Variants in DPP10 observed in about 807,000 individuals in gnomAD.
The protein encoded by DPP10 is inactive dipeptidyl peptidase 10.
A neutral mutation model predicts 120.9 loss-of-function variants in DPP10; 33 were observed. The observed-to-expected ratio is 0.27, with a 90% CI of 0.21 to 0.37. DPP10 has a LOEUF of 0.37. Among genes scored for constraint, DPP10 ranks in the 10% least tolerant of loss-of-function variants. The pLI, the probability that DPP10 is intolerant of heterozygous loss-of-function variation, is 1.00. For missense variants in DPP10, 816 were observed against 942.8 expected, an observed-to-expected ratio of 0.87 and a Z score of 1.76; for synonymous variants, 337 against 326.1, an observed-to-expected ratio of 1.03 and a Z score of -0.36.
chr2:115,267,059 A>G (rs974877026), intron 1 of DPP10, among the ~76,000 whole-genome samples: 16 of 152,300 alleles, frequency 1.1e-4, no homozygotes, highest in African/African-American at 3.4e-4. Context: ...GGACTTCACC[A>G]TCTAAAAACA....
chr2:115,781,278 G>A (rs1256999241), intron 16 of DPP10, among the ~76,000 whole-genome samples: 1 of 151,682 alleles, frequency 6.6e-6, no homozygotes, highest in African/African-American at 2.4e-5. Flanking sequence ...TTACATCAGC[G>A]AGGCCATGCC....
chr2:114,748,354 T>A (rs1021581487), intron 1 of DPP10, among the ~76,000 whole-genome samples: 2 of 134,316 alleles, frequency 1.5e-5, no homozygotes, highest in East Asian at 4.3e-4. Context: ...TTTTTTTATT[T>A]TTTTTTATTT....
At chr2:114,648,521 C>A (rs1238369059) in intron 1 of DPP10, among the ~76,000 whole-genome samples, 1 of 152,142 alleles carries the variant, frequency 6.6e-6, no homozygotes, top group African/African-American at 2.4e-5. Context: ...ATGTGGTTCC[C>A]TCCCTGTGGT....
At chr2:115,720,770 G>T (rs958965536) in intron 7 of DPP10, among the ~76,000 whole-genome samples, 1 of 152,046 alleles carries the variant, frequency 6.6e-6, no homozygotes, top group African/African-American at 2.4e-5. Flanking sequence ...TTTATTCTAA[G>T]ATGTGTTCTT....
intron 1 of DPP10, among the ~76,000 whole-genome samples, chr2:114,901,307 C>T (rs1236694832): frequency 1.3e-5 from 2 of 152,184 alleles, no homozygotes; most frequent in Non-Finnish European, 2.9e-5. Flanking sequence ...ATGCCATTCT[C>T]CTGTCTCAGC....
chr2:114,929,703 CA>C (rs1695922439), intron 1 of DPP10, among the ~76,000 whole-genome samples: 1 of 152,096 alleles, frequency 6.6e-6, no homozygotes, highest in African/African-American at 2.4e-5. Context: ...ACAATTTGTG[CA>C]GTTAACGCAA....
chr2:115,401,971 G>A (rs1350075145), intron 3 of DPP10, among the ~76,000 whole-genome samples: 1 of 152,094 alleles, frequency 6.6e-6, no homozygotes, highest in East Asian at 1.9e-4. Context: ...AAATGGCGGA[G>A]TAGGATTCTT....
intron 5 of DPP10, among the ~76,000 whole-genome samples, chr2:115,584,047 C>G (rs1163115465): frequency 6.6e-6 from 1 of 152,190 alleles, no homozygotes; most frequent in Non-Finnish European, 1.5e-5. Flanking sequence ...CTCTAGCAAA[C>G]AACGCCCGCC....
At chr2:115,477,139 C>A (rs990998454) in intron 3 of DPP10, among the ~76,000 whole-genome samples, 1 of 151,958 alleles carries the variant, frequency 6.6e-6, no homozygotes, top group Admixed American at 6.6e-5. Context: ...CACTTCTATT[C>A]AACATAGTAC....
chr2:115,594,334 A>T (rs907796399), intron 5 of DPP10, among the ~76,000 whole-genome samples: 1 of 152,230 alleles, frequency 6.6e-6, no homozygotes, highest in African/African-American at 2.4e-5. Flanking sequence ...AATCAGACAG[A>T]AAGAAATATG....
Position 115,161,879 on chromosome 2 carries a change from C to T in DPP10, c.61-147360C>T, listed in dbSNP as rs531091791. 4.4e-6 allele frequency: 6 copies of T among 1,362,492 alleles called. No individual in the cohort carries two copies. In the South Asian group the frequency reaches 4.7e-5, roughly 11 times the overall value. 84.4% of individuals were successfully genotyped at this position (1,362,492 alleles called of 1,614,324 possible). A position where few individuals can be genotyped will look rare whatever the true frequency, so the allele number is the denominator to read the frequency against. ...TTCCGGGAGCGACGGGCGCCCGTGA[C>T]CTGCGAACGCTGCCAAGTGACGGTC... On this transcript the variant is annotated intron_variant, in intron 1 of 25. Coordinates refer to ENST00000410059, the MANE Select transcript of DPP10 (RefSeq NM_020868.6).
chr2:114,504,208 C>A (rs941313015), intron 1 of DPP10, among the ~76,000 whole-genome samples: 2 of 152,058 alleles, frequency 1.3e-5, no homozygotes, highest in Admixed American at 6.6e-5. Context: ...TCTTCAATAG[C>A]CTTCTATTTA....
intron 7 of DPP10, among the ~76,000 whole-genome samples, chr2:115,699,349 A>G (rs1328852022): frequency 6.6e-6 from 1 of 152,150 alleles, no homozygotes; most frequent in Non-Finnish European, 1.5e-5. Flanking sequence ...CATTTTTAAG[A>G]AAACCTAACA....
At chr2:115,515,799 A>G (rs1470886212) in intron 4 of DPP10, among the ~76,000 whole-genome samples, 1 of 152,116 alleles carries the variant, frequency 6.6e-6, no homozygotes, top group African/African-American at 2.4e-5. Context: ...CACCTGTTTA[A>G]TAAAATTGGA....
At chr2:115,535,306 G>C (rs1348298463) in intron 5 of DPP10, among the ~76,000 whole-genome samples, 9 of 148,272 alleles carry the variant, frequency 6.1e-5, no homozygotes, top group Admixed American at 4.7e-4. Context: ...GTAAGGAAGG[G>C]ATCCAGTTTC....
At chr2:115,791,047 G>A in intron 17 of DPP10, 34 bp from the exon 18 acceptor site, 1 of 1,493,978 alleles carries the variant, frequency 6.7e-7, no homozygotes. Flanking sequence ...ATGCATAGGG[G>A]TTAGCTATTT....
At chr2:114,814,710 T>C (rs915424420) in intron 1 of DPP10, among the ~76,000 whole-genome samples, 17 of 152,138 alleles carry the variant, frequency 1.1e-4, no homozygotes, top group Admixed American at 3.9e-4. Context: ...GCTGACTCCA[T>C]TGATGGACGT....
intron 9 of DPP10, 26 bp from the exon 10 acceptor site, chr2:115,746,060 G>A (rs1322338968): frequency 1.3e-6 from 2 of 1,497,204 alleles, no homozygotes; most frequent in African/African-American, 2.8e-5. Flanking sequence ...TAATGTACTT[G>A]CAATACAACT....
intron 5 of DPP10, among the ~76,000 whole-genome samples, chr2:115,537,343 C>T (rs1032969898): frequency 6.6e-6 from 1 of 151,902 alleles, no homozygotes; most frequent in Non-Finnish European, 1.5e-5. Context: ...GGCAAAGAAT[C>T]CCCTTGCACA....
Sources: gnomAD v4.1 joint callset for allele counts (sites outside exome capture counted in the v4.1 genomes callset) on GRCh38, gnomAD v4.1.1 for gene constraint, MANE v1.5 for transcripts, NCBI Gene and HGNC (gene_info 2026-07-23, HGNC 2026-07-21) for gene names.